PROM2: variants seen among roughly 807,000 people sequenced by gnomAD.
PROM2 encodes prominin 2, also known as prominin-2.
PROM2 carries 90 observed loss-of-function variants against 110.2 expected under a neutral mutation model. That is an observed-to-expected ratio of 0.82 (90% CI 0.69 to 0.97). The LOEUF is 0.97. Among genes scored for constraint, PROM2 ranks in the 50% least tolerant of loss-of-function variants. The pLI is 0.00. For missense variants in PROM2, 1,009 were observed against 1,074.8 expected (o/e 0.94, Z 0.86); for synonymous variants, 470 against 467.8 (o/e 1.00, Z -0.06).
Position 95,281,994 on chromosome 2 carries a change from A to G in PROM2, c.1621A>G (p.Ile541Val). The change falls in exon 13 of 24, where the codon ATC becomes GTC. Residue 541 changes from isoleucine (I) to valine (V), a missense_variant. By Grantham distance (29) the Ile-to-Val change is conservative. Transcript: ENST00000317620. Reference protein sequence around the residue: ...LSQLLGLRKNISIHQAYQQCK... With the variant: ...LSQLLGLRKNVSIHQAYQQCK... ...GCAACTTCTTGGCCTGAGGAAGAACATCAGCATCCACCAAGCCTATCAGTG... is the reference window on the plus strand; with the variant it reads ...GCAACTTCTTGGCCTGAGGAAGAACGTCAGCATCCACCAAGCCTATCAGTG... The G allele has an allele frequency of 8.7e-6, 14 of 1,614,080 alleles. No homozygotes were observed. The highest frequency in any genetic ancestry group is 1.2e-5 in the Non-Finnish European group (14 of 1,179,962).
At chr2:95,282,863 G>T (rs1454655658) in intron 14 of PROM2, among the ~76,000 whole-genome samples, 1 of 152,118 alleles carries the variant, frequency 6.6e-6, no homozygotes, top group Non-Finnish European at 1.5e-5. Flanking sequence ...TTCACTCCTC[G>T]ACTTCCACGC....
At position 95,276,810 on chromosome 2, in the gene PROM2, G is replaced by A. The variant is rs1243213495; in HGVS notation, c.682+153G>A. On this transcript the variant is annotated intron_variant, in intron 5 of 23. Coordinates refer to ENST00000317620, the MANE Select transcript of PROM2 (RefSeq NM_001165978.3). This position sits in a 1 kb window ranked among gnomAD's most constrained non-coding sequence, Gnocchi z 4.6. ...GGCCGGCTGGAGAGCAAGAGTGGCC[G>A]CCACTCAGCTGCTGGAGGAAGAAGC... is the stretch of plus-strand genomic sequence containing the variant. 2.0e-5 allele frequency among the ~76,000 whole-genome samples: 3 copies of A among 152,078 alleles called. No individual in the cohort carries two copies. Among genetic ancestry groups the A allele is most frequent in the South Asian group, 2.1e-4 (1 of 4,808 alleles).
intron 11 of PROM2, among the ~76,000 whole-genome samples, chr2:95,280,939 G>C (rs564827341): frequency 6.6e-6 from 1 of 152,212 alleles, no homozygotes. Flanking sequence ...GGGATTATAG[G>C]TGTGAGCCCG....
chr2:95,286,705 TCTCCCCTCCC>T (rs1030695154), intron 17 of PROM2, 89 bp from the exon 18 acceptor site: 9 of 350,168 alleles, frequency 2.6e-5, no homozygotes, highest in African/African-American at 1.6e-4. Context: ...TCTCCCCTCC[TCTCCCCTCCC>T]CTCCCCTCCA....
intron 20 of PROM2, 51 bp from the exon 21 acceptor site, chr2:95,288,160 G>T: frequency 6.4e-7 from 1 of 1,574,166 alleles, no homozygotes. Context: ...ATGGGTGTGC[G>T]CCTGTGGGTC....
chr2:95,287,565 A>G (rs2104149234), intron 20 of PROM2, 101 bp downstream of exon 20: 1 of 1,200,594 alleles, frequency 8.3e-7, no homozygotes, highest in Admixed American at 2.1e-5. Flanking sequence ...CTTGGGGGTG[A>G]CCCAGGCCTT....
intron 1 of PROM2, 70 bp downstream of exon 1, chr2:95,274,899 T>C (rs1248895763): frequency 3.4e-6 from 5 of 1,463,768 alleles, no homozygotes; most frequent in Non-Finnish European, 4.5e-6. Flanking sequence ...TGTCCCACTC[T>C]ACCATGGGAT....
chr2:95,285,050 CG>C lies in PROM2; in HGVS notation c.1813del (p.Asp605ThrfsTer27), dbSNP rs769427179. On this transcript the variant is annotated frameshift_variant, in exon 15 of 24. Transcript: ENST00000317620. LOFTEE classifies it high-confidence loss of function. ...SLDLLSSAAR[R>X]DLEALQSSGL... ...GGACCTGCTGAGCTCAGCCGCCCGC[CG>C]GGACCTGGAGGCCCTGCAGAGCAGT... is the stretch of plus-strand genomic sequence containing the variant. The C allele has an allele frequency of 3.1e-6, 5 of 1,598,424 alleles. No homozygotes were observed. The highest frequency in any genetic ancestry group is 4.3e-6 in the Non-Finnish European group (5 of 1,171,802).
In PROM2 at chr2:95,275,829, G is replaced by A; in HGVS notation, c.295-101G>A. ...TCCATGAGATGCAGGCCATGCCCCT[G>A]ACGGCACTCCCGCCCCTTCTGGTTT... On this transcript the variant is annotated intron_variant, in intron 2 of 23. Transcript: ENST00000317620. This position sits in a 1 kb window ranked among gnomAD's most constrained non-coding sequence, Gnocchi z 4.4. The A allele has an allele frequency of 6.5e-7, 1 of 1,527,662 alleles. No individual in the cohort carries two copies. The highest frequency in any genetic ancestry group is 8.8e-7 in the Non-Finnish European group (1 of 1,141,072). 94.6% of individuals were successfully genotyped at this position (1,527,662 alleles called of 1,614,324 possible). A position where few individuals can be genotyped will look rare whatever the true frequency, so the allele number is the denominator to read the frequency against.
intron 20 of PROM2, among the ~76,000 whole-genome samples, chr2:95,287,899 G>C (rs759774854): frequency 6.6e-6 from 1 of 152,192 alleles, no homozygotes; most frequent in Non-Finnish European, 1.5e-5. Context: ...GTGTGTGTGA[G>C]TGTGTGTGTA....
In PROM2 at chr2:95,288,514, C is replaced by G; in HGVS notation, c.2366C>G (p.Thr789Ser). 2 of 1,614,222 alleles carry G rather than the reference C, an allele frequency of 1.2e-6. 1 individual carries two copies. Among genetic ancestry groups the G allele is most frequent in the Admixed American group, 3.3e-5 (2 of 60,028 alleles). Residue 789 changes from threonine to serine, a missense_variant, in exon 22 of 24, where the codon ACC (threonine) becomes AGC (serine). Thr to Ser is a moderately conservative substitution (Grantham distance 58). Coordinates refer to ENST00000317620, the MANE Select transcript of PROM2 (RefSeq NM_001165978.3). ...NAFWFCLAWC[T>S]FFLIPSIIFA... ...TTCTGGTTCTGCCTGGCATGGTGCA[C>G]CTTCTTCCTGATCCCCAGCATCATC...
chr2:95,284,795 C>A (rs571534772), intron 14 of PROM2, among the ~76,000 whole-genome samples, 174 bp from the exon 15 acceptor site: 1 of 152,344 alleles, frequency 6.6e-6, no homozygotes, highest in East Asian at 1.9e-4. Flanking sequence ...TGATCTAGTA[C>A]CTCCCACCAG....
chr2:95,288,685 C>A, intron 22 of PROM2, 96 bp downstream of exon 22: 1 of 1,093,588 alleles, frequency 9.1e-7, no homozygotes, highest in Non-Finnish European at 1.3e-6. Flanking sequence ...TGAGACCTCC[C>A]AGGCAGAGGA....
At position 95,290,474 on chromosome 2, in the gene PROM2, C is replaced by G. The variant is rs991766723; in HGVS notation, c.*1261C>G. 1 of 152,214 alleles carries G rather than the reference C, an allele frequency of 6.6e-6. No homozygotes were observed. The highest frequency in any genetic ancestry group is 1.5e-5 in the Non-Finnish European group (1 of 68,034). The allele number at this position is 152,214 out of a possible 1,614,324, so 9.4% of individuals were successfully genotyped here. A position where few individuals can be genotyped will look rare whatever the true frequency, so the allele number is the denominator to read the frequency against. On this transcript the variant is annotated 3_prime_UTR_variant, in exon 24 of 24. Coordinates refer to ENST00000317620, the MANE Select transcript of PROM2 (RefSeq NM_001165978.3). ...AGCAATCTGCAGGTAGGGAGTGGGT[C>G]CCAGCCTGGGAGCCTGCTGTCAGGA...
intron 16 of PROM2, 82 bp downstream of exon 16, chr2:95,285,792 G>A: frequency 2.2e-6 from 3 of 1,362,366 alleles, no homozygotes; most frequent in Non-Finnish European, 3.1e-6. Flanking sequence ...GGATGTGAGG[G>A]CAAAGGCAGG....
Position 95,287,457 on chromosome 2 carries a change from G to A in PROM2, c.2237G>A (p.Arg746Lys), listed in dbSNP as rs1677436486. 6.2e-7 allele frequency: 1 copy of A among 1,613,904 alleles called. No individual in the cohort carries two copies. Among genetic ancestry groups the A allele is most frequent in the Non-Finnish European group, 8.5e-7 (1 of 1,179,936 alleles). Residue 746 changes from arginine to lysine, a missense_variant, in exon 20 of 24, where the codon AGA becomes AAA. By Grantham distance (26) the Arg-to-Lys change is conservative. Coordinates refer to ENST00000317620, the MANE Select transcript of PROM2 (RefSeq NM_001165978.3). ...TTCTCCCAGTACGTGGCCTGGGTGAGAGAGGAGGTGAGTGGGGCCTCAGAA... is the reference window on the plus strand; with the variant it reads ...TTCTCCCAGTACGTGGCCTGGGTGAAAGAGGAGGTGAGTGGGGCCTCAGAA... The part of the protein sequence containing the change: ...GYFSQYVAWV[R>K]EEVTQRIATC...
rs1307260662 is a variant in PROM2, at chr2:95,277,064, G to A, written c.772+3G>A. ...GGCCGTGGGCAGTTTGGGCCAGGGTGAGCTGGAGCCGCATCCTGGATAGTG... is the reference window on the plus strand; with the variant it reads ...GGCCGTGGGCAGTTTGGGCCAGGGTAAGCTGGAGCCGCATCCTGGATAGTG... On this transcript the variant is annotated splice_donor_region_variant and intron_variant, in intron 6 of 23. Transcript: ENST00000317620. 9 of 1,550,368 alleles carry A rather than the reference G, an allele frequency of 5.8e-6. No individual in the cohort carries two copies. The East Asian group carries it at 2.2e-4, about 38-fold the overall frequency.
In PROM2 at chr2:95,286,811, T is replaced by G; in HGVS notation, c.2048T>G (p.Leu683Arg). 1 of 1,612,168 alleles carries G rather than the reference T, an allele frequency of 6.2e-7. No individual in the cohort carries two copies. The highest frequency in any genetic ancestry group is 8.5e-7 in the Non-Finnish European group (1 of 1,179,554). ...VVPQQSLVAK[L>R]NLSVRALESS... ...CTGATCTCTTCTCCACAGGCAAAGC[T>G]CAACCTCAGCGTCAGGGCCCTGGAG... Residue 683 changes from leucine to arginine, a missense_variant, in exon 18 of 24, where the codon CTC (leucine) becomes CGC (arginine). By Grantham distance (102) the Leu-to-Arg change is moderately radical (BLOSUM62 -2). Coordinates refer to ENST00000317620, the MANE Select transcript of PROM2 (RefSeq NM_001165978.3).
In PROM2 at chr2:95,289,948, G is replaced by A. The variant is rs1384131725; in HGVS notation, c.*735G>A. On this transcript the variant is annotated 3_prime_UTR_variant, in exon 24 of 24. Transcript: ENST00000317620. ...GATTTATTGGTGTCCAGTGGGGTGAGGGAGGCCTGTCTGAAGGCCGAGCCT... is the reference window on the plus strand; with the variant it reads ...GATTTATTGGTGTCCAGTGGGGTGAAGGAGGCCTGTCTGAAGGCCGAGCCT... 2 of 152,214 alleles carry A rather than the reference G, an allele frequency of 1.3e-5. No homozygotes were observed. Among genetic ancestry groups the A allele is most frequent in the Non-Finnish European group, 2.9e-5 (2 of 68,060 alleles). The allele number at this position is 152,214 out of a possible 1,614,324, so 9.4% of individuals were successfully genotyped here.
Sources: allele counts gnomAD v4.1 joint callset (sites outside exome capture counted in the v4.1 genomes callset), GRCh38; gene constraint gnomAD v4.1.1; non-coding constraint Gnocchi (gnomAD v3.1); transcripts MANE v1.5; gene names NCBI Gene and HGNC (gene_info 2026-07-23, HGNC 2026-07-21).